POFUT3: variants seen among roughly 807,000 people sequenced by gnomAD.
POFUT3 encodes protein O-fucosyltransferase 3, also known as GDP-fucose protein O-fucosyltransferase 3.
At chr8:33,461,932 G>T in the POFUT3 span, among the ~76,000 whole-genome samples, 3 of 151,440 alleles carry the variant, frequency 2.0e-5, no homozygotes, top group Non-Finnish European at 4.4e-5. Context: ...GGCCAAGGCA[G>T]GTGGATCATT....
At chr8:33,372,505 C>T in the POFUT3 span, 1 of 1,525,558 alleles carries the variant, frequency 6.6e-7, no homozygotes, top group South Asian at 1.3e-5. Context: ...CTATTATGTT[C>T]AAATATTAAG....
At chr8:33,427,671 A>G in the POFUT3 span, among the ~76,000 whole-genome samples, 3 of 152,226 alleles carry the variant, frequency 2.0e-5, no homozygotes, top group African/African-American at 7.2e-5. Context: ...CTTGGAAAGC[A>G]GACGACAAGC....
the POFUT3 span, among the ~76,000 whole-genome samples, chr8:33,448,145 G>C: frequency 2.0e-5 from 3 of 152,052 alleles, no homozygotes; most frequent in Non-Finnish European, 4.4e-5. Context: ...GTCAAGACCA[G>C]CCTGGACAAC....
At chr8:33,457,254 C>A in the POFUT3 span, among the ~76,000 whole-genome samples, 15 of 152,058 alleles carry the variant, frequency 9.9e-5, no homozygotes, top group Non-Finnish European at 1.8e-4. Context: ...TCGAGACCAG[C>A]CTGGCCAATA....
At chr8:33,437,117 G>C in the POFUT3 span, among the ~76,000 whole-genome samples, 1 of 152,160 alleles carries the variant, frequency 6.6e-6, no homozygotes, top group Non-Finnish European at 1.5e-5. Context: ...TTATGGCTGT[G>C]TAGTATTCCA....
At chr8:33,411,581 A>C in the POFUT3 span, among the ~76,000 whole-genome samples, 1 of 152,188 alleles carries the variant, frequency 6.6e-6, no homozygotes, top group Non-Finnish European at 1.5e-5. Context: ...TGAGGTCAGG[A>C]GTTCGAGACC....
the POFUT3 span, among the ~76,000 whole-genome samples, chr8:33,422,210 C>T: frequency 6.6e-6 from 1 of 151,310 alleles, no homozygotes; most frequent in African/African-American, 2.4e-5. Context: ...TACTAGATAA[C>T]AGAGGAAGTG....
the POFUT3 span, among the ~76,000 whole-genome samples, chr8:33,320,712 A>C: frequency 6.6e-6 from 1 of 152,076 alleles, no homozygotes; most frequent in African/African-American, 2.4e-5. Flanking sequence ...TGGAAGCTGA[A>C]GTGGAGCTTT....
chr8:33,405,070 T>C, the POFUT3 span, among the ~76,000 whole-genome samples: 1 of 152,172 alleles, frequency 6.6e-6, no homozygotes, highest in Admixed American at 6.5e-5. Flanking sequence ...GCTTTTTGTA[T>C]GGATCTGAAC....
At chr8:33,388,096 G>T in the POFUT3 span, among the ~76,000 whole-genome samples, 1 of 152,188 alleles carries the variant, frequency 6.6e-6, no homozygotes, top group African/African-American at 2.4e-5. Flanking sequence ...ATTTAAGAAA[G>T]TTTTTATAAG....
At chr8:33,361,033 A>T in the POFUT3 span, 1 of 152,244 alleles carries the variant, frequency 6.6e-6, no homozygotes, top group Admixed American at 6.5e-5. Flanking sequence ...AGACTAGCAG[A>T]TTATTTCCAT....
chr8:33,373,989 A>G, the POFUT3 span, among the ~76,000 whole-genome samples: 1 of 152,184 alleles, frequency 6.6e-6, no homozygotes, highest in Non-Finnish European at 1.5e-5. Context: ...AGGGGTCCTC[A>G]ACTCCCGGGT....
chr8:33,333,917 A>G, the POFUT3 span, among the ~76,000 whole-genome samples: 1 of 152,130 alleles, frequency 6.6e-6, no homozygotes, highest in African/African-American at 2.4e-5. Context: ...ACACTGAAGA[A>G]ATTTACTGGG....
At chr8:33,467,448 T>C in the POFUT3 span, among the ~76,000 whole-genome samples, 1 of 152,156 alleles carries the variant, frequency 6.6e-6, no homozygotes, top group Admixed American at 6.6e-5. Flanking sequence ...AGGATGAATC[T>C]GAGTCCTGCA....
the POFUT3 span, among the ~76,000 whole-genome samples, chr8:33,386,287 T>C: frequency 6.6e-6 from 1 of 152,054 alleles, no homozygotes. Flanking sequence ...ACATTAGCAT[T>C]TTGGAATTGG....
At chr8:33,464,316 C>T in the POFUT3 span, among the ~76,000 whole-genome samples, 1 of 152,040 alleles carries the variant, frequency 6.6e-6, no homozygotes, top group Non-Finnish European at 1.5e-5. Context: ...TGTTGAGTAA[C>T]CTATCATTGG....
chr8:33,389,414 T>C, the POFUT3 span: 2 of 1,614,222 alleles, frequency 1.2e-6, no homozygotes, highest in Non-Finnish European at 8.5e-7. Flanking sequence ...TTTCAGCTGC[T>C]GAGGGAGGTC....
chr8:33,387,917 A>G, the POFUT3 span, among the ~76,000 whole-genome samples: 7 of 152,228 alleles, frequency 4.6e-5, no homozygotes, highest in Non-Finnish European at 8.8e-5. Flanking sequence ...CTCATTGTGT[A>G]AAAATTTCAG....
At chr8:33,438,790 G>A in the POFUT3 span, among the ~76,000 whole-genome samples, 3 of 152,100 alleles carry the variant, frequency 2.0e-5, no homozygotes, top group East Asian at 1.9e-4. Flanking sequence ...AATGAGAGCC[G>A]AGCGAAAGGG....
Sources: gnomAD v4.1 joint callset for allele counts (sites outside exome capture counted in the v4.1 genomes callset) on GRCh38, gnomAD v4.1.1 for gene constraint, MANE v1.5 for transcripts, NCBI Gene and HGNC (gene_info 2026-07-23, HGNC 2026-07-21) for gene names.